The following PDSS2 variants were observed in gnomAD, a reference collection of about 807,000 sequenced individuals.
PDSS2 encodes decaprenyl diphosphate synthase subunit 2.
Under a neutral mutation model 44.5 loss-of-function variants are expected in PDSS2, and 31 were observed. The ratio of observed to expected loss-of-function variants is 0.70; its 90% CI spans 0.52 to 0.94. PDSS2 has a LOEUF of 0.94. Among genes scored for constraint, PDSS2 ranks in the 40% least tolerant of loss-of-function variants. The pLI, the probability that PDSS2 is intolerant of heterozygous loss-of-function variation, is 0.00. For missense variants in PDSS2, 452 were observed against 482.2 expected (o/e 0.94, Z 0.59); for synonymous variants, 157 against 180.3 (o/e 0.87, Z 1.03).
At chr6:107,230,234 A>C (rs1773996581) in intron 4 of PDSS2, 1 of 150,842 alleles carries the variant, frequency 6.6e-6, no homozygotes, top group Non-Finnish European at 1.5e-5. Flanking sequence ...AAAAAAAGCC[A>C]CTGTAGGTGC....
intron 4 of PDSS2, among the ~76,000 whole-genome samples, chr6:107,232,565 A>G (rs1244245362): frequency 6.6e-6 from 1 of 152,070 alleles, no homozygotes; most frequent in Non-Finnish European, 1.5e-5. Context: ...ATCCTTCACT[A>G]TCATTTCTCC....
At chr6:107,454,639 C>CT (rs397812708) in intron 1 of PDSS2, among the ~76,000 whole-genome samples, 2,928 of 145,810 alleles carry the variant, frequency 0.02, 34 homozygotes, top group South Asian at 0.033. Context: ...TGGTGGTTTC[C>CT]TTTTTTTTTT....
At position 107,218,875 on chromosome 6, in the gene PDSS2, T is replaced by G. The variant is rs921855677; in HGVS notation, c.703-6593A>C. ...GAGTTTGAGACCAGCCTGGCCAACA[T>G]GGTGAAACTTTGTCTCTACTAAAAA... On this transcript the variant is annotated intron_variant, in intron 4 of 7. Transcript: ENST00000369037. Among the ~76,000 whole-genome samples, 6 of 152,206 alleles carry G rather than the reference T, an allele frequency of 3.9e-5. No homozygotes were observed. In the East Asian group the frequency reaches 1.2e-3, roughly 30 times the overall value.
rs75731811 is a variant in PDSS2 at position 107,203,245 on chromosome 6, A to T, written c.1008+7194T>A. ...CTTTCCTATTTCTATTAATGGCTTA[A>T]TTTTTTCTGTTATCCTAGTCCAAAA... On this transcript the variant is annotated intron_variant, in intron 6 of 7. Transcript: ENST00000369037. Among the ~76,000 whole-genome samples, 1,418 of 152,076 alleles carry T rather than the reference A, an allele frequency of 9.3e-3. 11 individuals carry two copies. The highest frequency in any genetic ancestry group is 0.013 in the Non-Finnish European group (912 of 67,978).
intron 3 of PDSS2, among the ~76,000 whole-genome samples, chr6:107,272,550 G>T (rs941851864): frequency 2.6e-5 from 4 of 152,200 alleles, no homozygotes; most frequent in Non-Finnish European, 4.4e-5. Flanking sequence ...CCTACTCCTA[G>T]ATGATTTTAC....
chr6:107,266,725 T>C (rs567775645), intron 3 of PDSS2, among the ~76,000 whole-genome samples: 1 of 152,306 alleles, frequency 6.6e-6, no homozygotes, highest in African/African-American at 2.4e-5. Context: ...AGTTTTTCTT[T>C]TTCTTTTTCT....
At chr6:107,249,853 G>A (rs982485079) in intron 3 of PDSS2, among the ~76,000 whole-genome samples, 16 of 152,060 alleles carry the variant, frequency 1.1e-4, no homozygotes, top group African/African-American at 3.9e-4. Flanking sequence ...AATAACCACC[G>A]TCTCACCCAA....
intron 2 of PDSS2, among the ~76,000 whole-genome samples, chr6:107,331,572 T>C (rs1474210187): frequency 4.6e-5 from 7 of 152,150 alleles, no homozygotes; most frequent in Non-Finnish European, 7.4e-5. Context: ...AGACAAGAAT[T>C]AGAAACACAA....
chr6:107,228,347 T>C (rs1442864891), intron 4 of PDSS2, among the ~76,000 whole-genome samples: 1 of 152,176 alleles, frequency 6.6e-6, no homozygotes, highest in Non-Finnish European at 1.5e-5. Flanking sequence ...CTATATTTGA[T>C]TTCTAACATG....
At chr6:107,212,039 G>T in intron 5 of PDSS2, 70 bp downstream of exon 5, 1 of 1,300,890 alleles carries the variant, frequency 7.7e-7, no homozygotes, top group South Asian at 1.2e-5. Context: ...CTTATTAAAT[G>T]GCAAAAGGTT....
intron 2 of PDSS2, among the ~76,000 whole-genome samples, chr6:107,291,550 A>ATG (rs1164126869): frequency 1.2e-5 from 1 of 85,874 alleles, no homozygotes; most frequent in Non-Finnish European, 2.8e-5. Flanking sequence ...TTAAGTAGAG[A>ATG]CGGGGGGGTC....
At chr6:107,314,939 TA>T (rs1481587924) in intron 2 of PDSS2, among the ~76,000 whole-genome samples, 1 of 152,220 alleles carries the variant, frequency 6.6e-6, no homozygotes, top group Admixed American at 6.5e-5. Context: ...AGTAGCCCTA[TA>T]AAAACTATTT....
intron 1 of PDSS2, among the ~76,000 whole-genome samples, chr6:107,410,719 C>G (rs914568167): frequency 1.3e-5 from 2 of 152,096 alleles, no homozygotes. Context: ...AGCTCCTGAC[C>G]TCAGGTGATC....
chr6:107,237,449 G>A (rs1774261953), intron 4 of PDSS2, among the ~76,000 whole-genome samples: 1 of 151,562 alleles, frequency 6.6e-6, no homozygotes, highest in Non-Finnish European at 1.5e-5. Flanking sequence ...CACCATGTTG[G>A]TCAGGATGGT....
chr6:107,307,698 G>T (rs1776907087), intron 2 of PDSS2, among the ~76,000 whole-genome samples: 1 of 151,752 alleles, frequency 6.6e-6, no homozygotes, highest in African/African-American at 2.4e-5. Context: ...TAATCATCTT[G>T]GCATGTTGCT....
intron 1 of PDSS2, among the ~76,000 whole-genome samples, chr6:107,427,461 G>T (rs1781041894): frequency 6.6e-6 from 1 of 152,170 alleles, no homozygotes; most frequent in Non-Finnish European, 1.5e-5. Context: ...CTGCACTCAT[G>T]ATTTGAGAGA....
intron 1 of PDSS2, among the ~76,000 whole-genome samples, chr6:107,339,142 T>A (rs1219524504): frequency 6.6e-6 from 1 of 152,186 alleles, no homozygotes; most frequent in African/African-American, 2.4e-5. Flanking sequence ...TTACTAGAGA[T>A]GTTTAAGAAG....
chr6:107,173,784 C>T (rs13362709), intron 7 of PDSS2, among the ~76,000 whole-genome samples: 5,716 of 151,910 alleles, frequency 0.038, 356 homozygotes, highest in African/African-American at 0.13. Flanking sequence ...AAAATTTTAA[C>T]GGTATTGACA....
intron 1 of PDSS2, among the ~76,000 whole-genome samples, chr6:107,383,298 CAAAAAAAAAAAAAAAA>C (rs35910650): frequency 3.5e-5 from 1 of 28,432 alleles, no homozygotes; most frequent in Admixed American, 6.0e-4. Context: ...GACTCCATCT[CAAAAAAAAAAAAAAAA>C]AAAAAAAAAA....
Sources: allele counts gnomAD v4.1 joint callset (sites outside exome capture counted in the v4.1 genomes callset), GRCh38; gene constraint gnomAD v4.1.1; transcripts MANE v1.5; gene names NCBI Gene and HGNC (gene_info 2026-07-23, HGNC 2026-07-21).